The following MINAR1 variants were observed in gnomAD, a reference collection of about 807,000 sequenced individuals.
MINAR1 encodes the protein major intrinsically disordered Notch2-binding receptor 1.
In MINAR1, 40 loss-of-function variants were observed where a neutral mutation model predicts 65.1. That is an observed-to-expected ratio of 0.61 (90% CI 0.48 to 0.80). The LOEUF (loss-of-function observed/expected upper bound fraction) is 0.80, where lower values mean the gene tolerates loss of function less well. Among genes scored for constraint, MINAR1 ranks in the 30% least tolerant of loss-of-function variants. The probability of loss-of-function intolerance (pLI) is 0.00; values close to 1 mark genes in which losing one functional copy is unlikely to be tolerated. For synonymous variants in MINAR1, 482 were observed against 449.1 expected, an observed-to-expected ratio of 1.07 and a Z score of -0.93; for missense variants, 1,128 against 1,148.0, an observed-to-expected ratio of 0.98 and a Z score of 0.25.
intron 1 of MINAR1, among the ~76,000 whole-genome samples, chr15:79,440,251 G>C (rs113627323): frequency 6.6e-6 from 1 of 152,082 alleles, no homozygotes; most frequent in Non-Finnish European, 1.5e-5. Context: ...TGAGTTTCCC[G>C]CATAAGGAGA....
the MINAR1 span, chr15:79,411,830 G>A: frequency 3.8e-6 from 1 of 262,658 alleles, no homozygotes; most frequent in Non-Finnish European, 7.6e-6. Flanking sequence ...ATAAAGCATA[G>A]CCAGGGACAG....
At chr15:79,445,204 C>T (rs1410058611) in intron 1 of MINAR1, among the ~76,000 whole-genome samples, 1 of 151,896 alleles carries the variant, frequency 6.6e-6, no homozygotes, top group African/African-American at 2.4e-5. Context: ...TGTTATAGCT[C>T]ACACTTATTA....
In MINAR1 at chr15:79,467,619, T is replaced by TTGACTTTG. The variant is rs1284228939; in HGVS notation, c.2554-567_2554-560dup. 2.0e-5 allele frequency among the ~76,000 whole-genome samples: 3 copies of TTGACTTTG among 152,204 alleles called. 1 individual carries two copies. The East Asian group carries it at 5.8e-4, about 29-fold the overall frequency. On this transcript the variant is annotated intron_variant, in intron 3 of 3. Transcript: ENST00000305428. Reference sequence around the variant, plus strand: ...CAGTCTGCCATGGGGTTGGTAGACCTTGACTTTGAGCAGTGGCATGACCTG... The same window carrying TTGACTTTG: ...CAGTCTGCCATGGGGTTGGTAGACCTTGACTTTGTGACTTTGAGCAGTGGCATGACCTG...
intron 3 of MINAR1, 22 bp downstream of exon 3, chr15:79,463,343 GGT>G (rs3831283): frequency 0.14 from 217,238 of 1,607,338 alleles, 15,490 homozygotes; most frequent in Non-Finnish European, 0.15. Context: ...ACTGTCCCTG[GGT>G]GGGGGAAGCC....
At chr15:79,452,436 CTGTG>C (rs367551688) in intron 1 of MINAR1, among the ~76,000 whole-genome samples, 30 of 150,000 alleles carry the variant, frequency 2.0e-4, no homozygotes, top group East Asian at 1.0e-3. Context: ...GTGGGTGAGT[CTGTG>C]TGAGTGTGTG....
intron 1 of MINAR1, among the ~76,000 whole-genome samples, chr15:79,435,647 G>A (rs1894578930): frequency 6.6e-6 from 1 of 152,160 alleles, no homozygotes; most frequent in South Asian, 2.1e-4. Context: ...CTTATTGAAT[G>A]GATTAAGAAA....
At chr15:79,411,739 G>T in the MINAR1 span, 1 of 473,418 alleles carries the variant, frequency 2.1e-6, no homozygotes, top group Non-Finnish European at 3.9e-6. Flanking sequence ...TGAGCTGGCA[G>T]GGAGAGTTGC....
chr15:79,421,024 A>G, the MINAR1 span: 1 of 152,166 alleles, frequency 6.6e-6, no homozygotes, highest in African/African-American at 2.4e-5. Context: ...TAATAGGTAC[A>G]CTTCAGGGTC....
chr15:79,461,198 A>G (rs1015497132), intron 2 of MINAR1, among the ~76,000 whole-genome samples: 6 of 152,236 alleles, frequency 3.9e-5, no homozygotes, highest in Non-Finnish European at 8.8e-5. Context: ...ATGGGCAGCA[A>G]TGAAACTTTC....
the MINAR1 span, chr15:79,426,729 A>G: frequency 6.6e-6 from 1 of 152,210 alleles, no homozygotes; most frequent in African/African-American, 2.4e-5. Flanking sequence ...GCCTGACTCA[A>G]GGAAGCTCCT....
chr15:79,468,521 G>A lies in MINAR1; in HGVS notation c.*137G>A, dbSNP rs1358426376. ...GGCATTTCTACAAATGTTGAATGAA[G>A]GTGGTTTTCAGAAAGTATACATTCT... On this transcript the variant is annotated 3_prime_UTR_variant, in exon 4 of 4. Transcript: ENST00000305428. 7 of 824,874 alleles carry A rather than the reference G, an allele frequency of 8.5e-6. No individual in the cohort carries two copies. In the Admixed American group the frequency reaches 1.4e-4, roughly 17 times the overall value. 51.1% of individuals were successfully genotyped at this position (824,874 alleles called of 1,614,324 possible).
intron 2 of MINAR1, 51 bp downstream of exon 2, chr15:79,458,496 T>C (rs1895525727): frequency 2.5e-6 from 4 of 1,570,062 alleles, no homozygotes; most frequent in Admixed American, 1.8e-5. Context: ...ATCATAGCCC[T>C]GGTGTATTTC....
Position 79,456,866 on chromosome 15 carries a change from C to A in MINAR1, c.719C>A (p.Thr240Asn), listed in dbSNP as rs777443868. 7.4e-6 allele frequency: 12 copies of A among 1,614,016 alleles called. No homozygotes were observed. The Admixed American group carries it at 1.0e-4, about 13-fold the overall frequency. Reference sequence around the variant, plus strand: ...CCCATCAATCAGAGCATCAAGGAGACCTTCATTTCCAATGAGGAGCCATTT... The same window carrying A: ...CCCATCAATCAGAGCATCAAGGAGAACTTCATTTCCAATGAGGAGCCATTT... Reference protein sequence around the residue: ...SLPINQSIKETFISNEEPFVV... With the variant: ...SLPINQSIKENFISNEEPFVV... Residue 240 changes from threonine (T) to asparagine (N), a missense_variant, in exon 2 of 4, where the codon ACC (threonine) becomes AAC (asparagine). Coordinates refer to ENST00000305428, the MANE Select transcript of MINAR1 (RefSeq NM_015206.3).
chr15:79,465,555 C>G (rs1207222722), intron 3 of MINAR1, among the ~76,000 whole-genome samples: 3 of 152,122 alleles, frequency 2.0e-5, no homozygotes, highest in African/African-American at 4.8e-5. Context: ...GTTTATTTCA[C>G]ACACTGAATC....
At chr15:79,462,598 T>A (rs7168056) in intron 2 of MINAR1, among the ~76,000 whole-genome samples, 20,014 of 152,084 alleles carry the variant, frequency 0.13, 2,304 homozygotes, top group African/African-American at 0.31. Context: ...GCGAGTTCCT[T>A]GAGGAAAGGA....
At chr15:79,428,453 T>C (rs1595922489), upstream of MINAR1, among the ~76,000 whole-genome samples, 4 of 99,478 alleles carry the variant, frequency 4.0e-5, no homozygotes, top group Non-Finnish European at 4.0e-5. Context: ...CTTTCCTCCC[T>C]CCCTCCTTCC....
chr15:79,467,753 T>C (rs939720483), intron 3 of MINAR1, among the ~76,000 whole-genome samples: 2 of 152,232 alleles, frequency 1.3e-5, no homozygotes, highest in Non-Finnish European at 2.9e-5. Flanking sequence ...AAGAACTGAC[T>C]CAGAGTGCTA....
intron 2 of MINAR1, 88 bp downstream of exon 2, chr15:79,458,533 G>A: frequency 6.8e-7 from 1 of 1,471,400 alleles, no homozygotes; most frequent in Non-Finnish European, 9.2e-7. Context: ...CGTTAAACAG[G>A]CAAGAGGCCT....
In MINAR1 at chr15:79,468,639, T is replaced by C. The variant is rs1895961695; in HGVS notation, c.*255T>C. On this transcript the variant is annotated 3_prime_UTR_variant, in exon 4 of 4. Transcript: ENST00000305428. ...ATCTTTTCCTACCAAAAGAACATCA[T>C]GGACTATCAATAAATACAAATTGAA... 1 of 487,854 alleles carries C rather than the reference T, an allele frequency of 2.0e-6. No homozygotes were observed. Among genetic ancestry groups the C allele is most frequent in the Non-Finnish European group, 3.7e-6 (1 of 273,718 alleles). The allele number at this position is 487,854 out of a possible 1,614,324, so 30.2% of individuals were successfully genotyped here.
Sources: allele counts gnomAD v4.1 joint callset (sites outside exome capture counted in the v4.1 genomes callset), GRCh38; gene constraint gnomAD v4.1.1; transcripts MANE v1.5; gene names NCBI Gene and HGNC (gene_info 2026-07-23, HGNC 2026-07-21).